Variants in TMPO observed in about 807,000 individuals in gnomAD.
The protein encoded by TMPO is LEM domain containing 4.
A neutral mutation model predicts 45.4 loss-of-function variants in TMPO; 22 were observed. The ratio of observed to expected loss-of-function variants is 0.48; its 90% CI spans 0.35 to 0.69. TMPO has a LOEUF of 0.69. TMPO is among the 30% of genes least tolerant of loss of function. The pLI, the probability that TMPO is intolerant of heterozygous loss-of-function variation, is 0.01. For missense variants in TMPO, 512 were observed against 548.8 expected (o/e 0.93, Z 0.67); for synonymous variants, 241 against 204.1 (o/e 1.18, Z -1.54).
chr12:98,549,852 A>G lies in TMPO; in HGVS notation c.*1994A>G, dbSNP rs1878439946. ...GAAAGACTTGTAGGTCTTTCTGCAG[A>G]ATGAGTGGGTCCTTGCAAAGTGAGT... On this transcript the variant is annotated 3_prime_UTR_variant, in exon 9 of 9. Transcript: ENST00000556029. 6.6e-6 allele frequency: 1 copy of G among 152,112 alleles called. No individual in the cohort carries two copies. The highest frequency in any genetic ancestry group is 1.5e-5 in the Non-Finnish European group (1 of 68,012). 9.4% of individuals were successfully genotyped at this position (152,112 alleles called of 1,614,324 possible).
chr12:98,537,969 C>T (rs1476889091), intron 4 of TMPO, among the ~76,000 whole-genome samples: 3 of 152,224 alleles, frequency 2.0e-5, no homozygotes, highest in Admixed American at 2.0e-4. Flanking sequence ...CCTGTCTTGT[C>T]TTCTGCGATT....
intron 3 of TMPO, among the ~76,000 whole-genome samples, chr12:98,532,582 A>G (rs184054472): frequency 7.2e-5 from 11 of 152,366 alleles, no homozygotes; most frequent in Admixed American, 5.9e-4. Context: ...TCCTTTAAAA[A>G]TTATAAATAC....
Position 98,533,501 on chromosome 12 carries a change from C to T in TMPO, c.565+1663C>T, listed in dbSNP as rs1029173536. Reference sequence around the variant, plus strand: ...AACATACAGAAGAGAATTGATCAGTCTAAGTTTCAAGAAACTGAATTCCTG... The same window carrying T: ...AACATACAGAAGAGAATTGATCAGTTTAAGTTTCAAGAAACTGAATTCCTG... On this transcript the variant is annotated intron_variant, in intron 3 of 8. Coordinates refer to ENST00000556029, the MANE Select transcript of TMPO (RefSeq NM_001032283.3). The T allele has an allele frequency of 1.4e-5, 23 of 1,613,970 alleles. No individual in the cohort carries two copies. The highest frequency in any genetic ancestry group is 1.9e-5 in the Non-Finnish European group (22 of 1,180,020).
At chr12:98,543,596 A>G (rs1470310015) in intron 4 of TMPO, among the ~76,000 whole-genome samples, 2 of 152,192 alleles carry the variant, frequency 1.3e-5, no homozygotes, top group Non-Finnish European at 2.9e-5. Flanking sequence ...CATGGATAGC[A>G]TTGAGATTTG....
intron 8 of TMPO, 42 bp downstream of exon 8, chr12:98,546,489 G>T (rs1209538137): frequency 7.6e-7 from 1 of 1,313,802 alleles, no homozygotes; most frequent in South Asian, 1.2e-5. Flanking sequence ...TATTCTAGTA[G>T]GGAATCTTTA....
rs980560920 is a variant in TMPO at position 98,516,038 on chromosome 12, C to T, written c.171C>T (p.Thr57=). The change falls in exon 1 of 9, where the codon ACC becomes ACT. Residue 57 remains threonine, a synonymous_variant. Transcript: ENST00000556029. Reference sequence around the variant, plus strand: ...ACCGGCCGCCGCTCCCCGCCGGCACCAACAGCAAGGGGCCCCCGGACTTCT... The same window carrying T: ...ACCGGCCGCCGCTCCCCGCCGGCACTAACAGCAAGGGGCCCCCGGACTTCT... ...ARNRPPLPAG[T]NSKGPPDFSS... The T allele has an allele frequency of 6.2e-7, 1 of 1,611,674 alleles. No individual in the cohort carries two copies. The highest frequency in any genetic ancestry group is 8.5e-7 in the Non-Finnish European group (1 of 1,179,596).
In TMPO at chr12:98,515,774, G is replaced by C. The variant is rs1875731841; in HGVS notation, c.-94G>C. On this transcript the variant is annotated 5_prime_UTR_variant, in exon 1 of 9. Transcript: ENST00000556029. ...TTCCCGGGCAGGAGCCGTGAGGCTC[G>C]GAGGCGGCAGCGCGGTCCCCGGCCA... The C allele has an allele frequency of 1.3e-6, 2 of 1,548,256 alleles. No homozygotes were observed.
At chr12:98,537,706 AC>A (rs1484695997) in intron 4 of TMPO, 134 bp downstream of exon 4, 2 of 792,480 alleles carry the variant, frequency 2.5e-6, no homozygotes, top group Middle Eastern at 2.2e-4. Flanking sequence ...GTTAAATGAT[AC>A]TAAAAATCTA....
At chr12:98,538,726 A>G (rs565605180) in intron 4 of TMPO, among the ~76,000 whole-genome samples, 1 of 152,256 alleles carries the variant, frequency 6.6e-6, no homozygotes, top group Non-Finnish European at 1.5e-5. Context: ...CTCTCTCTTC[A>G]TTTGATGTAG....
intron 1 of TMPO, among the ~76,000 whole-genome samples, chr12:98,526,883 G>A (rs1035220486): frequency 6.6e-5 from 10 of 152,002 alleles, no homozygotes; most frequent in African/African-American, 1.9e-4. Context: ...GCTTGAACCC[G>A]GGAGTCGGAG....
intron 1 of TMPO, among the ~76,000 whole-genome samples, chr12:98,526,569 G>A (rs1876776488): frequency 1.3e-5 from 2 of 152,128 alleles, no homozygotes; most frequent in African/African-American, 4.8e-5. Flanking sequence ...GTGGTTGGTT[G>A]AATTCACATA....
At chr12:98,528,798 A>G (rs1268043450) in intron 2 of TMPO, among the ~76,000 whole-genome samples, 1 of 152,074 alleles carries the variant, frequency 6.6e-6, no homozygotes, top group Middle Eastern at 3.2e-3. Context: ...ATCTCTGCAG[A>G]AAATTTTAAA....
intron 3 of TMPO, chr12:98,535,321 A>T: frequency 1.0e-6 from 1 of 982,916 alleles, no homozygotes; most frequent in Non-Finnish European, 1.2e-6. Flanking sequence ...CAGTATCTGT[A>T]TGTCTGTATA....
chr12:98,545,457 G>C (rs1449740298), intron 7 of TMPO, among the ~76,000 whole-genome samples: 1 of 152,116 alleles, frequency 6.6e-6, no homozygotes, highest in Non-Finnish European at 1.5e-5. Context: ...TGTGGTGCTG[G>C]AATGGGTTAA....
intron 1 of TMPO, among the ~76,000 whole-genome samples, chr12:98,524,075 T>C (rs1384891658): frequency 6.6e-6 from 1 of 152,216 alleles, no homozygotes; most frequent in Non-Finnish European, 1.5e-5. Flanking sequence ...ACAAAACATT[T>C]ATCAGGGGGC....
At chr12:98,531,538 T>G in intron 2 of TMPO, 142 bp from the exon 3 acceptor site, 7 of 893,180 alleles carry the variant, frequency 7.8e-6, no homozygotes, top group East Asian at 2.7e-5. Context: ...TCTGGCCGCA[T>G]TATATGGTAT....
Position 98,527,984 on chromosome 12 carries a change from A to G in TMPO, c.378A>G (p.Lys126=). 1.2e-6 allele frequency: 2 copies of G among 1,613,982 alleles called. No homozygotes were observed. The highest frequency in any genetic ancestry group is 8.5e-7 in the Non-Finnish European group (1 of 1,179,934). ...TNEDLLDQLV[K]YGVNPGPIVG... The stretch of plus-strand genomic sequence containing the variant: ...AAGATCTTTTGGATCAGCTTGTGAA[A>G]TACGGAGTGAATCCTGGTCCTATTG... Residue 126 remains lysine, a synonymous_variant, in exon 2 of 9, where the codon AAA becomes AAG. Transcript: ENST00000556029.
At chr12:98,526,061 T>G (rs556856365) in intron 1 of TMPO, among the ~76,000 whole-genome samples, 1 of 152,350 alleles carries the variant, frequency 6.6e-6, no homozygotes, top group East Asian at 1.9e-4. Flanking sequence ...TGTTCAACCT[T>G]GGAAATTTAT....
At chr12:98,517,624 T>A (rs1406798874) in intron 1 of TMPO, among the ~76,000 whole-genome samples, 1 of 152,266 alleles carries the variant, frequency 6.6e-6, no homozygotes, top group East Asian at 1.9e-4. Context: ...AAAATCTTAT[T>A]CTCGGCTTCA....
Sources: gnomAD v4.1 joint callset for allele counts (sites outside exome capture counted in the v4.1 genomes callset) on GRCh38, gnomAD v4.1.1 for gene constraint, MANE v1.5 for transcripts, NCBI Gene and HGNC (gene_info 2026-07-23, HGNC 2026-07-21) for gene names.